Variants in CDKN2B-AS1 observed in about 807,000 individuals in gnomAD.
CDKN2B-AS1 encodes the protein CDKN2B antisense RNA 1 (non-protein coding).
chr9:22,081,237 T>C lies in CDKN2B-AS1; in HGVS notation n.438+24850T>C, dbSNP rs1390102578. 2.6e-5 allele frequency among the ~76,000 whole-genome samples: 4 copies of C among 152,080 alleles called. No individual in the cohort carries two copies. In the East Asian group the frequency reaches 7.7e-4, roughly 29 times the overall value. ...TTTATGGGGTTGTGCCCCAAGTTACTTATTCATTCCCATGTTATCAGATAT... is the reference window on the plus strand; with the variant it reads ...TTTATGGGGTTGTGCCCCAAGTTACCTATTCATTCCCATGTTATCAGATAT... On this transcript the variant is annotated intron_variant and non_coding_transcript_variant, in intron 4 of 4. Coordinates refer to ENST00000650946, the Ensembl canonical transcript of CDKN2B-AS1.
intron 1 of CDKN2B-AS1, among the ~76,000 whole-genome samples, chr9:22,023,393 T>A (rs974587556): frequency 1.3e-5 from 2 of 152,156 alleles, no homozygotes; most frequent in African/African-American, 4.8e-5. Flanking sequence ...TTGGAAATTC[T>A]CTCCTTCACT....
At chr9:22,075,700 G>A (rs1281274472) in intron 4 of CDKN2B-AS1, among the ~76,000 whole-genome samples, 1 of 152,184 alleles carries the variant, frequency 6.6e-6, no homozygotes, top group Non-Finnish European at 1.5e-5. Context: ...AAGGAACAGG[G>A]TGATGGTGCC....
chr9:22,043,853 C>T (rs1215045187), intron 1 of CDKN2B-AS1, among the ~76,000 whole-genome samples: 1 of 151,668 alleles, frequency 6.6e-6, no homozygotes, highest in East Asian at 1.9e-4. Flanking sequence ...CTGTATGCAC[C>T]CAAAATCTTG....
intron 1 of CDKN2B-AS1, chr9:22,012,079 G>T: frequency 1.5e-6 from 1 of 659,432 alleles, no homozygotes; most frequent in South Asian, 1.8e-5. Context: ...GTCTGTATAT[G>T]ACCTTGATAT....
At chr9:22,045,254 A>G (rs1270695856) in intron 1 of CDKN2B-AS1, among the ~76,000 whole-genome samples, 3 of 152,042 alleles carry the variant, frequency 2.0e-5, no homozygotes, top group African/African-American at 4.8e-5. Flanking sequence ...TGTTTATTAT[A>G]TATTAGACAT....
At chr9:22,042,629 G>A (rs539187535) in intron 1 of CDKN2B-AS1, among the ~76,000 whole-genome samples, 1 of 151,966 alleles carries the variant, frequency 6.6e-6, no homozygotes, top group Non-Finnish European at 1.5e-5. Flanking sequence ...CAGTCCAGGG[G>A]GTCTCCATTC....
intron 4 of CDKN2B-AS1, among the ~76,000 whole-genome samples, chr9:22,125,428 T>G (rs1195270673): frequency 6.6e-6 from 1 of 152,238 alleles, no homozygotes; most frequent in Non-Finnish European, 1.5e-5. Context: ...TGACACTTCT[T>G]AGGCTATCAT....
rs1340967211 is a variant in CDKN2B-AS1 at position 22,006,642 on chromosome 9, C to A, written n.29+11481C>A. ...AGTTTTAAATTATTTGCCTTGCTGA[C>A]CCCTCCTCCATAATCCAGGTCTACA... is the stretch of plus-strand genomic sequence containing the variant. On this transcript the variant is annotated intron_variant and non_coding_transcript_variant, in intron 1 of 4. Transcript: ENST00000650946. This position sits in a 1 kb window ranked among gnomAD's most constrained non-coding sequence, Gnocchi z 6.4. Among the ~76,000 whole-genome samples the A allele has an allele frequency of 1.3e-5, 2 of 152,172 alleles. No individual in the cohort carries two copies. Among genetic ancestry groups the A allele is most frequent in the Non-Finnish European group, 1.5e-5 (1 of 68,026 alleles).
chr9:22,050,944 ACCGTTTTTG>A (rs967528833), intron 3 of CDKN2B-AS1, among the ~76,000 whole-genome samples: 2 of 152,332 alleles, frequency 1.3e-5, no homozygotes, highest in South Asian at 2.1e-4. Flanking sequence ...AAAAACGGCT[ACCGTTTTTG>A]CAGCTTTTTC....
chr9:22,102,762 A>C (rs142875667), intron 4 of CDKN2B-AS1, among the ~76,000 whole-genome samples: 1 of 152,208 alleles, frequency 6.6e-6, no homozygotes, highest in Non-Finnish European at 1.5e-5. Context: ...AAGTGAGGGC[A>C]TGGTGCAGAG....
chr9:22,025,699 T>C (rs549902711), intron 1 of CDKN2B-AS1, among the ~76,000 whole-genome samples: 1 of 152,190 alleles, frequency 6.6e-6, no homozygotes, highest in Non-Finnish European at 1.5e-5. Context: ...CCTTTCTCTC[T>C]GGGAGCTCCA....
intron 4 of CDKN2B-AS1, among the ~76,000 whole-genome samples, chr9:22,111,182 A>T (rs1217999351): frequency 3.9e-5 from 6 of 152,086 alleles, no homozygotes; most frequent in Non-Finnish European, 8.8e-5. Flanking sequence ...ATATGTATGT[A>T]TCTGTCTGTC....
At chr9:22,093,337 C>T (rs546648565) in intron 4 of CDKN2B-AS1, among the ~76,000 whole-genome samples, 2,468 of 123,068 alleles carry the variant, frequency 0.02, 39 homozygotes, top group Non-Finnish European at 0.033. Context: ...CTATTAGGTC[C>T]GCTTGGTGCA....
At chr9:22,015,783 C>G (rs143070667) in intron 1 of CDKN2B-AS1, among the ~76,000 whole-genome samples, 1 of 152,138 alleles carries the variant, frequency 6.6e-6, no homozygotes, top group African/African-American at 2.4e-5. Flanking sequence ...TAATGATTGC[C>G]ATTCTAACTG....
At chr9:22,026,149 G>T (rs539223584) in intron 1 of CDKN2B-AS1, among the ~76,000 whole-genome samples, 1 of 152,216 alleles carries the variant, frequency 6.6e-6, no homozygotes, top group East Asian at 1.9e-4. Flanking sequence ...CTGTGCTGGG[G>T]TTCCCCTTCC....
intron 4 of CDKN2B-AS1, among the ~76,000 whole-genome samples, chr9:22,123,864 C>A (rs767898399): frequency 6.6e-6 from 1 of 152,020 alleles, no homozygotes; most frequent in Admixed American, 6.6e-5. Context: ...ACAATGACAA[C>A]GGAAAGGACT....
chr9:22,094,224 G>A (rs889639030), intron 4 of CDKN2B-AS1, among the ~76,000 whole-genome samples: 2 of 143,404 alleles, frequency 1.4e-5, no homozygotes, highest in South Asian at 2.1e-4. Flanking sequence ...TGGGTAACCC[G>A]ACCTTTCTCT....
chr9:22,021,553 A>C (rs1038382171), intron 1 of CDKN2B-AS1, among the ~76,000 whole-genome samples: 1 of 152,218 alleles, frequency 6.6e-6, no homozygotes. Context: ...CTTCCTATAC[A>C]TGAGCATAGA....
intron 1 of CDKN2B-AS1, chr9:22,003,866 T>G: frequency 4.3e-6 from 1 of 232,170 alleles, no homozygotes; most frequent in East Asian, 6.1e-5. Context: ...AGGGAGATCA[T>G]TGTGTATTTC....
Sources: allele counts gnomAD v4.1 joint callset (sites outside exome capture counted in the v4.1 genomes callset), GRCh38; gene constraint gnomAD v4.1.1; non-coding constraint Gnocchi (gnomAD v3.1); transcripts MANE v1.5; gene names NCBI Gene and HGNC (gene_info 2026-07-23, HGNC 2026-07-21).